Variants in PPARG observed in about 807,000 individuals in gnomAD.
PPARG encodes the protein peroxisome proliferator activated receptor gamma.
Under a neutral mutation model 39.2 loss-of-function variants are expected in PPARG, and 17 were observed. The observed-to-expected ratio is 0.43, with a 90% CI of 0.30 to 0.65. The LOEUF (loss-of-function observed/expected upper bound fraction) is 0.65. Ranked by LOEUF, PPARG falls within the 30% of genes least tolerant of loss-of-function variation. The pLI is 0.13. For missense variants in PPARG, 406 were observed against 585.9 expected (o/e 0.69, Z 3.17); for synonymous variants, 223 against 215.7 (o/e 1.03, Z -0.30).
chr3:12,328,191 G>A, intron 2 of PPARG: 2 of 1,402,736 alleles, frequency 1.4e-6, no homozygotes, highest in Non-Finnish European at 1.0e-6. Flanking sequence ...TAAAGAACTA[G>A]AACAGAAAAA....
At chr3:12,431,932 C>CA (rs1239665489) in intron 7 of PPARG, among the ~76,000 whole-genome samples, 169 of 138,914 alleles carry the variant, frequency 1.2e-3, no homozygotes, top group Non-Finnish European at 1.9e-3. Flanking sequence ...GACTCTGTCA[C>CA]AAAAAAAAAA....
intron 2 of PPARG, among the ~76,000 whole-genome samples, chr3:12,319,518 T>C (rs1195435329): frequency 2.0e-5 from 3 of 152,214 alleles, no homozygotes; most frequent in South Asian, 2.1e-4. Context: ...CAATCTATTA[T>C]GAATACGTAG....
intron 1 of PPARG, among the ~76,000 whole-genome samples, chr3:12,293,704 T>C (rs2124927656): frequency 6.6e-6 from 1 of 152,332 alleles, no homozygotes; most frequent in East Asian, 1.9e-4. Flanking sequence ...TGTTATTCTT[T>C]CTGGCTCTAT....
At chr3:12,328,193 A>C in intron 2 of PPARG, 1 of 1,417,856 alleles carries the variant, frequency 7.1e-7, no homozygotes, top group East Asian at 2.3e-5. Context: ...AAGAACTAGA[A>C]CAGAAAAAGT....
At chr3:12,390,228 A>G (rs2050020032) in intron 4 of PPARG, among the ~76,000 whole-genome samples, 1 of 152,186 alleles carries the variant, frequency 6.6e-6, no homozygotes, top group Non-Finnish European at 1.5e-5. Context: ...GCTTGTGGGG[A>G]GTGTACATTG....
chr3:12,322,556 T>C (rs1326341364), intron 2 of PPARG, among the ~76,000 whole-genome samples: 1 of 152,218 alleles, frequency 6.6e-6, no homozygotes, highest in Admixed American at 6.5e-5. Flanking sequence ...CTTCATGAGA[T>C]GGTTGCACTG....
intron 2 of PPARG, among the ~76,000 whole-genome samples, chr3:12,333,965 C>G (rs1193512588): frequency 6.6e-6 from 1 of 152,164 alleles, no homozygotes; most frequent in Non-Finnish European, 1.5e-5. Context: ...GGCTTTTTTA[C>G]ATTTATCTGG....
At chr3:12,410,677 T>C (rs1457766107) in intron 6 of PPARG, among the ~76,000 whole-genome samples, 1 of 152,224 alleles carries the variant, frequency 6.6e-6, no homozygotes, top group Non-Finnish European at 1.5e-5. Flanking sequence ...AAATGGTCTT[T>C]CTAAATAGTG....
intron 1 of PPARG, among the ~76,000 whole-genome samples, chr3:12,308,769 G>A (rs888431907): frequency 6.6e-6 from 1 of 152,070 alleles, no homozygotes; most frequent in Admixed American, 6.5e-5. Flanking sequence ...AAGAGAGCCA[G>A]TTAAATATTT....
intron 1 of PPARG, among the ~76,000 whole-genome samples, chr3:12,306,339 G>A (rs889636330): frequency 2.0e-5 from 3 of 152,180 alleles, no homozygotes; most frequent in Admixed American, 6.5e-5. Flanking sequence ...CTCCTGCCAC[G>A]TGGCCCAGTT....
At chr3:12,320,918 C>CA (rs1213573243) in intron 2 of PPARG, among the ~76,000 whole-genome samples, 1 of 152,124 alleles carries the variant, frequency 6.6e-6, no homozygotes, top group African/African-American at 2.4e-5. Flanking sequence ...TTGTTTTTTA[C>CA]ATGCTTATCT....
chr3:12,427,583 T>C (rs143718684), intron 7 of PPARG, among the ~76,000 whole-genome samples: 341 of 152,324 alleles, frequency 2.2e-3, no homozygotes, highest in African/African-American at 7.9e-3. Flanking sequence ...CATACGCTTA[T>C]GAAAGAAATG....
chr3:12,432,980 G>GA (rs71268429), intron 7 of PPARG, among the ~76,000 whole-genome samples: 25,140 of 152,096 alleles, frequency 0.17, 2,290 homozygotes, highest in Admixed American at 0.25. Context: ...TTGAACTAAA[G>GA]AAAAATCTAA....
chr3:12,344,586 T>C (rs753814501), intron 2 of PPARG, among the ~76,000 whole-genome samples: 2 of 152,228 alleles, frequency 1.3e-5, no homozygotes, highest in African/African-American at 2.4e-5. Flanking sequence ...ATATGTCTAC[T>C]TCCGCTAAGT....
At chr3:12,360,009 T>G (rs921689683) in intron 2 of PPARG, among the ~76,000 whole-genome samples, 7 of 152,068 alleles carry the variant, frequency 4.6e-5, no homozygotes, top group African/African-American at 1.7e-4. Flanking sequence ...ACCCTTTGAA[T>G]TTTTACTTCC....
chr3:12,411,130 A>G (rs1327053207), intron 6 of PPARG, among the ~76,000 whole-genome samples: 1 of 152,224 alleles, frequency 6.6e-6, no homozygotes, highest in Non-Finnish European at 1.5e-5. Flanking sequence ...TAAAAGATCT[A>G]AACCAGTGTG....
At chr3:12,390,595 T>C (rs1213205285) in intron 4 of PPARG, among the ~76,000 whole-genome samples, 1 of 151,546 alleles carries the variant, frequency 6.6e-6, no homozygotes, top group African/African-American at 2.4e-5. Context: ...AATAGTATAT[T>C]ATTTTGTTTT....
intron 2 of PPARG, among the ~76,000 whole-genome samples, chr3:12,335,787 G>A (rs1559497949): frequency 6.6e-6 from 1 of 151,970 alleles, no homozygotes; most frequent in Non-Finnish European, 1.5e-5. Flanking sequence ...GTATTAATAT[G>A]ATTCCTACAT....
intron 6 of PPARG, among the ~76,000 whole-genome samples, chr3:12,415,533 T>C (rs943339374): frequency 6.6e-6 from 1 of 152,252 alleles, no homozygotes; most frequent in Non-Finnish European, 1.5e-5. Flanking sequence ...CCTTGCTTAG[T>C]TCTATACAAG....
Sources: gnomAD v4.1 joint callset for allele counts (sites outside exome capture counted in the v4.1 genomes callset) on GRCh38, gnomAD v4.1.1 for gene constraint, MANE v1.5 for transcripts, NCBI Gene and HGNC (gene_info 2026-07-23, HGNC 2026-07-21) for gene names.